DENND1B: variants seen among roughly 807,000 people sequenced by gnomAD.
DENND1B encodes DENN domain containing 1B.
A neutral mutation model predicts 90.1 loss-of-function variants in DENND1B; 59 were observed. The observed-to-expected ratio is 0.65, with a 90% CI of 0.53 to 0.81. The LOEUF is 0.81. Ranked by LOEUF, DENND1B falls within the 40% of genes least tolerant of loss-of-function variation. DENND1B has a pLI of 0.00. For missense variants in DENND1B, 862 were observed against 912.6 expected (o/e 0.94, Z 0.71); for synonymous variants, 337 against 324.6 (o/e 1.04, Z -0.41).
intron 20 of DENND1B, among the ~76,000 whole-genome samples, chr1:197,526,000 T>C (rs1211454722): frequency 6.6e-6 from 1 of 152,154 alleles, no homozygotes; most frequent in Admixed American, 6.5e-5. Context: ...CATAGTCCTA[T>C]TTTGTAATTA....
chr1:197,671,985 A>G (rs1405449374), intron 5 of DENND1B, 52 bp downstream of exon 5: 1 of 1,575,382 alleles, frequency 6.3e-7, no homozygotes, highest in Non-Finnish European at 8.6e-7. Flanking sequence ...AAAGTACAAT[A>G]GAGAGATAGT....
intron 2 of DENND1B, among the ~76,000 whole-genome samples, chr1:197,745,959 C>T (rs1227648259): frequency 6.6e-6 from 1 of 152,102 alleles, no homozygotes; most frequent in African/African-American, 2.4e-5. Context: ...TTAGTAACTC[C>T]TTTTATAACA....
intron 2 of DENND1B, among the ~76,000 whole-genome samples, chr1:197,719,761 G>A (rs1425142982): frequency 6.6e-6 from 1 of 152,098 alleles, no homozygotes; most frequent in African/African-American, 2.4e-5. Context: ...CTGCAGATCT[G>A]AATTACGTAT....
At chr1:197,676,883 G>C (rs1656133569) in intron 3 of DENND1B, among the ~76,000 whole-genome samples, 1 of 152,158 alleles carries the variant, frequency 6.6e-6, no homozygotes, top group Non-Finnish European at 1.5e-5. Flanking sequence ...TCTTGTAAGA[G>C]AGAACTAGGG....
At chr1:197,519,302 T>C (rs1238181080) in intron 20 of DENND1B, among the ~76,000 whole-genome samples, 1 of 151,964 alleles carries the variant, frequency 6.6e-6, no homozygotes, top group African/African-American at 2.4e-5. Context: ...AATATCTTTA[T>C]ACATAGTAGG....
intron 12 of DENND1B, among the ~76,000 whole-genome samples, chr1:197,609,611 T>A (rs137857838): frequency 1.3e-5 from 2 of 150,504 alleles, no homozygotes; most frequent in South Asian, 2.1e-4. Context: ...GAAAGAAAGA[T>A]GTTAAGGGAT....
intron 15 of DENND1B, among the ~76,000 whole-genome samples, chr1:197,576,107 GA>G (rs919311178): frequency 1.4e-4 from 21 of 150,820 alleles, no homozygotes; most frequent in Middle Eastern, 3.4e-3. Flanking sequence ...AAAAGAAAAA[GA>G]AAAAAAAATC....
At chr1:197,620,194 T>G (rs1678028172) in intron 10 of DENND1B, among the ~76,000 whole-genome samples, 1 of 150,982 alleles carries the variant, frequency 6.6e-6, no homozygotes, top group African/African-American at 2.4e-5. Context: ...GCTGTGAAAC[T>G]TAAAAAAAAA....
chr1:197,518,847 C>T (rs931545680), intron 20 of DENND1B, among the ~76,000 whole-genome samples: 2 of 151,724 alleles, frequency 1.3e-5, no homozygotes, highest in African/African-American at 4.8e-5. Context: ...GGGAGACTGT[C>T]GGGAAAACTG....
At chr1:197,643,006 T>C (rs1035444887) in intron 9 of DENND1B, among the ~76,000 whole-genome samples, 185 bp from the exon 10 acceptor site, 2 of 152,152 alleles carry the variant, frequency 1.3e-5, no homozygotes, top group African/African-American at 4.8e-5. Flanking sequence ...CTATTATTAG[T>C]TGAAACATAA....
chr1:197,612,105 T>C (rs1677234704), intron 11 of DENND1B, 129 bp from the exon 12 acceptor site: 1 of 543,956 alleles, frequency 1.8e-6, no homozygotes, highest in Admixed American at 3.8e-5. Flanking sequence ...ACATTATAGA[T>C]ATTCAAAATT....
intron 20 of DENND1B, among the ~76,000 whole-genome samples, chr1:197,523,981 C>T (rs1164526464): frequency 2.6e-5 from 4 of 151,404 alleles, no homozygotes; most frequent in African/African-American, 7.3e-5. Flanking sequence ...ATAAAAAAAA[C>T]TCAAATGATG....
chr1:197,777,699 C>A (rs142907058), upstream of DENND1B, among the ~76,000 whole-genome samples: 1 of 152,026 alleles, frequency 6.6e-6, no homozygotes, highest in Non-Finnish European at 1.5e-5. Context: ...ATTTCCTACT[C>A]GACAATTAAT....
chr1:197,581,517 G>T (rs1674237687), intron 15 of DENND1B, among the ~76,000 whole-genome samples: 1 of 152,162 alleles, frequency 6.6e-6, no homozygotes, highest in South Asian at 2.1e-4. Context: ...TGCTGAGAGT[G>T]TACATGTGTT....
chr1:197,675,506 TTTAA>T (rs1180697969), intron 3 of DENND1B, among the ~76,000 whole-genome samples: 1 of 152,120 alleles, frequency 6.6e-6, no homozygotes, highest in Non-Finnish European at 1.5e-5. Context: ...ATCATGTACC[TTTAA>T]AAATATGAGC....
intron 3 of DENND1B, chr1:197,690,576 AG>A: frequency 4.2e-6 from 1 of 237,960 alleles, no homozygotes. Context: ...AGTGGACAAG[AG>A]GGCTGCTAGA....
intron 2 of DENND1B, among the ~76,000 whole-genome samples, chr1:197,729,655 T>C (rs1414267848): frequency 6.6e-6 from 1 of 152,094 alleles, no homozygotes; most frequent in East Asian, 1.9e-4. Flanking sequence ...ATTATACAAA[T>C]TATCCTTGGG....
chr1:197,763,080 G>A (rs1655290330), intron 2 of DENND1B, among the ~76,000 whole-genome samples: 2 of 152,124 alleles, frequency 1.3e-5, no homozygotes, highest in Non-Finnish European at 2.9e-5. Context: ...GGAGGCCAAG[G>A]CAGGAGGATT....
At chr1:197,582,887 G>A (rs1674367233) in intron 15 of DENND1B, among the ~76,000 whole-genome samples, 1 of 152,066 alleles carries the variant, frequency 6.6e-6, no homozygotes, top group South Asian at 2.1e-4. Flanking sequence ...TAGTCATGTT[G>A]CTGCTTCTTC....
Sources: allele counts gnomAD v4.1 joint callset (sites outside exome capture counted in the v4.1 genomes callset), GRCh38; gene constraint gnomAD v4.1.1; transcripts MANE v1.5; gene names NCBI Gene and HGNC (gene_info 2026-07-23, HGNC 2026-07-21).